Variants in CLTC observed in about 807,000 individuals in gnomAD.
CLTC encodes the protein clathrin heavy chain.
A neutral mutation model predicts 195.8 loss-of-function variants in CLTC; 16 were observed. The observed-to-expected ratio is 0.08, with a 90% CI of 0.06 to 0.12. The LOEUF (loss-of-function observed/expected upper bound fraction) is 0.12. CLTC is among the 10% of genes least tolerant of loss of function. The probability of loss-of-function intolerance (pLI) is 1.00; values close to 1 mark genes in which losing one functional copy is unlikely to be tolerated. For missense variants in CLTC, 796 were observed against 2,027.0 expected, an observed-to-expected ratio of 0.39 and a Z score of 11.66; for synonymous variants, 667 against 689.4, an observed-to-expected ratio of 0.97 and a Z score of 0.51.
In CLTC at chr17:59,676,835, G is replaced by A. The variant is rs559125823; in HGVS notation, c.2562-119G>A. ...GACAATGTAGCAATACTCGGGGGGC[G>A]GGGAAAAAGTATGTGAAAGCACATT... On this transcript the variant is annotated intron_variant, in intron 16 of 31. Transcript: ENST00000269122. 167 of 736,350 alleles carry A rather than the reference G, an allele frequency of 2.3e-4. 3 individuals carry two copies. In the South Asian group the frequency reaches 2.6e-3, roughly 11 times the overall value. The allele number at this position is 736,350 out of a possible 1,614,324, so 45.6% of individuals were successfully genotyped here. A position where few individuals can be genotyped will look rare whatever the true frequency, so the allele number is the denominator to read the frequency against.
rs2031304871 is a variant in CLTC, at chr17:59,619,970, C to T, written c.-162C>T. On this transcript the variant is annotated 5_prime_UTR_variant, in exon 1 of 32. Coordinates refer to ENST00000269122, the MANE Select transcript of CLTC (RefSeq NM_004859.4). Reference sequence around the variant, plus strand: ...TGGCCCCTGGAGCCTCCGCCCCCGACCCGAGCTCTTTCGTCTGCCTGCCAG... The same window carrying T: ...TGGCCCCTGGAGCCTCCGCCCCCGATCCGAGCTCTTTCGTCTGCCTGCCAG... 3.2e-6 allele frequency: 2 copies of T among 627,626 alleles called. No homozygotes were observed. Among genetic ancestry groups the T allele is most frequent in the African/African-American group, 1.8e-5 (1 of 54,578 alleles). 38.9% of individuals were successfully genotyped at this position (627,626 alleles called of 1,614,324 possible).
At chr17:59,641,457 C>T (rs1016720664) in intron 1 of CLTC, among the ~76,000 whole-genome samples, 20 of 150,562 alleles carry the variant, frequency 1.3e-4, no homozygotes, top group South Asian at 8.4e-4. Context: ...AAAAATTAGC[C>T]GGGCATGTTG....
chr17:59,637,153 C>G (rs1437086471), intron 1 of CLTC, among the ~76,000 whole-genome samples: 9 of 151,870 alleles, frequency 5.9e-5, no homozygotes, highest in Non-Finnish European at 1.3e-4. Context: ...GAAAACCAGT[C>G]CATATTCATA....
At chr17:59,656,253 G>A (rs1222195349) in intron 6 of CLTC, 1 of 393,458 alleles carries the variant, frequency 2.5e-6, no homozygotes, top group Non-Finnish European at 4.5e-6. Flanking sequence ...CCTAAAAATA[G>A]AGATGTGTAT....
chr17:59,631,076 G>A (rs1163657819), intron 1 of CLTC, among the ~76,000 whole-genome samples: 1 of 152,154 alleles, frequency 6.6e-6, no homozygotes, highest in Non-Finnish European at 1.5e-5. Flanking sequence ...TTGGGGTGTT[G>A]GGATGATTCG....
chr17:59,685,486 C>A lies in CLTC; in HGVS notation c.4606-101C>A. The A allele has an allele frequency of 8.8e-7, 1 of 1,131,674 alleles. No individual in the cohort carries two copies. The highest frequency in any genetic ancestry group is 1.2e-6 in the Non-Finnish European group (1 of 801,126). 70.1% of individuals were successfully genotyped at this position (1,131,674 alleles called of 1,614,324 possible). On this transcript the variant is annotated intron_variant, in intron 29 of 31. Transcript: ENST00000269122. The surrounding 1 kb of genome is among the most constrained non-coding windows in gnomAD (Gnocchi z 5.0). ...CAACTAGGAGGCTTTTTTCCCCTTG[C>A]AAAACCAGATTTATATTGGAAAGTT... is the stretch of plus-strand genomic sequence containing the variant.
At position 59,683,616 on chromosome 17, in the gene CLTC, C is replaced by G; in HGVS notation, c.4192-9C>G. 6.2e-7 allele frequency: 1 copy of G among 1,613,824 alleles called. No homozygotes were observed. Among genetic ancestry groups the G allele is most frequent in the Non-Finnish European group, 8.5e-7 (1 of 1,179,828 alleles). On this transcript the variant is annotated splice_polypyrimidine_tract_variant and intron_variant, in intron 26 of 31. Transcript: ENST00000269122. The surrounding 1 kb of genome is among the most constrained non-coding windows in gnomAD (Gnocchi z 6.1). ...GTAACTGACTTATGTATGGATTTTC[C>G]CATTGTAGGTTGCCAATGTGGAACT...
At chr17:59,676,620 ATCATATTTTGAGTCTT>A (rs1295454481) in intron 16 of CLTC, among the ~76,000 whole-genome samples, 1 of 152,180 alleles carries the variant, frequency 6.6e-6, no homozygotes, top group Non-Finnish European at 1.5e-5. Flanking sequence ...GGACAACTCA[ATCATATTTTGAGTCTT>A]AATTTCCCAA....
At position 59,648,174 on chromosome 17, in the gene CLTC, A is replaced by G; in HGVS notation, c.520-66A>G. On this transcript the variant is annotated intron_variant, in intron 3 of 31. Transcript: ENST00000269122. This position sits in a 1 kb window ranked among gnomAD's most constrained non-coding sequence, Gnocchi z 4.5. Reference sequence around the variant, plus strand: ...GACAAAGCATTCTAATTATTTCATTACTTGATGAATCTGAGAGTTTTTGAT... The same window carrying G: ...GACAAAGCATTCTAATTATTTCATTGCTTGATGAATCTGAGAGTTTTTGAT... 1 of 1,357,166 alleles carries G rather than the reference A, an allele frequency of 7.4e-7. No homozygotes were observed. The highest frequency in any genetic ancestry group is 1.0e-6 in the Non-Finnish European group (1 of 989,572). The allele number at this position is 1,357,166 out of a possible 1,614,324, so 84.1% of individuals were successfully genotyped here.
At chr17:59,655,732 AT>A in intron 5 of CLTC, 121 bp from the exon 6 acceptor site, 2 of 712,380 alleles carry the variant, frequency 2.8e-6, no homozygotes, top group Non-Finnish European at 4.2e-6. Context: ...TTAGCTTATA[AT>A]TTTTCAAATA....
intron 1 of CLTC, among the ~76,000 whole-genome samples, chr17:59,631,906 G>A (rs1035854691): frequency 5.3e-5 from 8 of 150,436 alleles, no homozygotes; most frequent in African/African-American, 2.0e-4. Flanking sequence ...GGAAGTGGAG[G>A]TTGCAGTAGG....
At chr17:59,676,554 T>C (rs751635372) in intron 16 of CLTC, among the ~76,000 whole-genome samples, 3 of 152,244 alleles carry the variant, frequency 2.0e-5, no homozygotes, top group Non-Finnish European at 2.9e-5. Context: ...GTATATCATA[T>C]AGCAGATAAA....
chr17:59,651,286 A>G lies in CLTC; in HGVS notation c.765A>G (p.Glu255=), dbSNP rs762037766. 3.1e-5 allele frequency: 50 copies of G among 1,613,796 alleles called. No homozygotes were observed. The highest frequency in any genetic ancestry group is 5.3e-5 in the African/African-American group (4 of 74,932). ...CAGTGGATGTCTTCTTTCCTCCAGA[A>G]GCACAAAATGATTTTCCTGTTGCAA... ...KKAVDVFFPP[E]AQNDFPVAMQ... Residue 255 remains glutamate, a synonymous_variant, in exon 5 of 32, where the codon GAA becomes GAG. Transcript: ENST00000269122.
chr17:59,659,276 G>C (rs1225971112), intron 6 of CLTC, among the ~76,000 whole-genome samples: 1 of 152,002 alleles, frequency 6.6e-6, no homozygotes, highest in Non-Finnish European at 1.5e-5. Flanking sequence ...GGATGGATGG[G>C]TAGAGAAGGA....
chr17:59,632,118 C>G (rs1482262525), intron 1 of CLTC, among the ~76,000 whole-genome samples: 1 of 152,084 alleles, frequency 6.6e-6, no homozygotes, highest in Non-Finnish European at 1.5e-5. Context: ...CCTGTAATCC[C>G]AGCACTTTGG....
In CLTC at chr17:59,695,765, AT is replaced by A. The variant is rs1370835747; in HGVS notation, c.*1916del. 1.0e-5 allele frequency: 2 copies of A among 193,524 alleles called. No individual in the cohort carries two copies. Among genetic ancestry groups the A allele is most frequent in the East Asian group, 1.6e-4 (2 of 12,214 alleles). The allele number at this position is 193,524 out of a possible 1,614,324, so 12.0% of individuals were successfully genotyped here. A position where few individuals can be genotyped will look rare whatever the true frequency, so the allele number is the denominator to read the frequency against. On this transcript the variant is annotated 3_prime_UTR_variant, in exon 32 of 32. Transcript: ENST00000269122. ...AGAATACAATGGTGCCCCTGCTTTG[AT>A]TTGTGGGAGGTGCCATCAGTTTTCC...
intron 14 of CLTC, 100 bp downstream of exon 14, chr17:59,669,040 A>AGT: frequency 9.6e-7 from 1 of 1,045,718 alleles, no homozygotes; most frequent in Non-Finnish European, 1.3e-6. Context: ...CTAAATGTGA[A>AGT]GTTGTTAGCA....
chr17:59,677,588 T>C, intron 17 of CLTC, among the ~76,000 whole-genome samples: 1 of 152,224 alleles, frequency 6.6e-6, no homozygotes, highest in East Asian at 1.9e-4. Context: ...ACATGAAAGA[T>C]ACCAGCTTCA....
At chr17:59,659,453 ATTT>A (rs10611799) in intron 6 of CLTC, among the ~76,000 whole-genome samples, 178 of 134,538 alleles carry the variant, frequency 1.3e-3, no homozygotes, top group African/African-American at 2.3e-3. Flanking sequence ...TTTTTAATTA[ATTT>A]TTTTTTTTTT....
Sources: allele counts gnomAD v4.1 joint callset (sites outside exome capture counted in the v4.1 genomes callset), GRCh38; gene constraint gnomAD v4.1.1; non-coding constraint Gnocchi (gnomAD v3.1); transcripts MANE v1.5; gene names NCBI Gene and HGNC (gene_info 2026-07-23, HGNC 2026-07-21).